The following CCDC138 variants were observed in gnomAD, a reference collection of about 807,000 sequenced individuals.
CCDC138 encodes the protein coiled-coil domain-containing protein 138.
CCDC138 carries 66 observed loss-of-function variants against 82.3 expected under a neutral mutation model. The ratio of observed to expected loss-of-function variants is 0.80; its 90% CI spans 0.66 to 0.98. The LOEUF (loss-of-function observed/expected upper bound fraction) is 0.98. CCDC138 is among the 50% of genes least tolerant of loss of function. The pLI is 0.00. For synonymous variants in CCDC138, 297 were observed against 265.4 expected (o/e 1.12, Z -1.16); for missense variants, 816 against 758.9 (o/e 1.08, Z -0.88).
At chr2:108,884,350 G>C (rs2105354411) in intron 2 of CCDC138, 1 of 152,312 alleles carries the variant, frequency 6.6e-6, no homozygotes, top group Admixed American at 6.5e-5. Flanking sequence ...ACACTCCTCA[G>C]AATGGGAGCT....
At chr2:108,822,311 C>T (rs1384219027) in intron 10 of CCDC138, among the ~76,000 whole-genome samples, 1 of 151,980 alleles carries the variant, frequency 6.6e-6, no homozygotes, top group Non-Finnish European at 1.5e-5. Context: ...TATTATAAAG[C>T]AAACATTGAC....
At chr2:108,873,740 T>C in intron 14 of CCDC138, 151 bp downstream of exon 14, 1 of 545,324 alleles carries the variant, frequency 1.8e-6, no homozygotes, top group South Asian at 2.9e-5. Flanking sequence ...ACACTAACGA[T>C]AGCTGATGTG....
chr2:108,879,861 C>T (rs1696240668), downstream of CCDC138, among the ~76,000 whole-genome samples: 1 of 151,982 alleles, frequency 6.6e-6, no homozygotes, highest in Admixed American at 6.6e-5. Context: ...TCCTCTCTTC[C>T]AACCTTCAAA....
chr2:108,876,934 G>A (rs890822989), downstream of CCDC138, among the ~76,000 whole-genome samples: 13 of 152,170 alleles, frequency 8.5e-5, 1 homozygote, highest in African/African-American at 2.9e-4. Context: ...ACAGGTCTGG[G>A]TGAAGTAAAG....
intron 10 of CCDC138, among the ~76,000 whole-genome samples, chr2:108,836,419 G>A (rs1471873586): frequency 6.6e-6 from 1 of 152,130 alleles, no homozygotes; most frequent in Non-Finnish European, 1.5e-5. Context: ...AGATATTTGG[G>A]CAGCTACCAT....
In CCDC138 at chr2:108,820,699, C is replaced by CAG. The variant is rs1553413011; in HGVS notation, c.1206+4595_1206+4596insGA. ...GCAGTGGGATGATACATTCAAAGTGCAAAAAAAAAAAAAAAACAAACAACA... is the reference window on the plus strand; with the variant it reads ...GCAGTGGGATGATACATTCAAAGTGCAGAAAAAAAAAAAAAAAACAAACAACA... On this transcript the variant is annotated intron_variant, in intron 10 of 14. Transcript: ENST00000295124. 4.1e-3 allele frequency among the ~76,000 whole-genome samples: 255 copies of CAG among 62,580 alleles called. 2 individuals are homozygous for CAG. The highest frequency in any genetic ancestry group is 0.013 in the African/African-American group (246 of 18,872). The allele number at this position is 62,580 out of a possible 152,430, so 41.1% of individuals were successfully genotyped here.
At chr2:108,870,236 G>T (rs1159104732) in intron 13 of CCDC138, among the ~76,000 whole-genome samples, 2 of 152,144 alleles carry the variant, frequency 1.3e-5, no homozygotes, top group Admixed American at 6.5e-5. Context: ...TACTAGAAGA[G>T]TTCAACAGCA....
intron 10 of CCDC138, among the ~76,000 whole-genome samples, chr2:108,830,545 G>C (rs1046020998): frequency 6.6e-6 from 1 of 152,160 alleles, no homozygotes; most frequent in African/African-American, 2.4e-5. Context: ...CATGGCTCAC[G>C]CCTGTAATCC....
intron 13 of CCDC138, among the ~76,000 whole-genome samples, chr2:108,869,451 G>T (rs2105113023): frequency 6.6e-6 from 1 of 152,274 alleles, no homozygotes; most frequent in South Asian, 2.1e-4. Context: ...TTTCAGACTT[G>T]CCTCGTTCAG....
intron 10 of CCDC138, among the ~76,000 whole-genome samples, chr2:108,832,344 CTT>C (rs1179620383): frequency 7.7e-4 from 94 of 122,196 alleles, no homozygotes; most frequent in African/African-American, 2.3e-3. Context: ...GTATTTCTTT[CTT>C]TTTTTTTTTT....
chr2:108,804,930 G>A lies in CCDC138; in HGVS notation c.777G>A (p.Lys259=). Residue 259 remains lysine (K), a synonymous_variant, in exon 7 of 15, where the codon AAG becomes AAA. Transcript: ENST00000295124. The stretch of plus-strand genomic sequence containing the variant: ...TTGAACACTTAACCGAAGTTCTTAA[G>A]GAAAAGAATAAAGAAACCAAGAGAC... ...AEVEHLTEVL[K]EKNKETKRLR... is the part of the protein sequence containing the mutation. 6.4e-7 allele frequency: 1 copy of A among 1,566,318 alleles called. No homozygotes were observed. Among genetic ancestry groups the A allele is most frequent in the South Asian group, 1.2e-5 (1 of 81,898 alleles).
At chr2:108,805,569 C>CAAA (rs5833306) in intron 7 of CCDC138, among the ~76,000 whole-genome samples, 3 of 149,892 alleles carry the variant, frequency 2.0e-5, no homozygotes, top group African/African-American at 7.4e-5. Flanking sequence ...ACCAAAAATA[C>CAAA]AAAAAAAAAT....
chr2:108,839,150 G>A (rs1357441725), intron 10 of CCDC138, 35 bp from the exon 11 acceptor site: 1 of 1,572,078 alleles, frequency 6.4e-7, no homozygotes, highest in African/African-American at 1.4e-5. Context: ...AAAATACTGT[G>A]CCTTTGTATT....
At chr2:108,812,534 A>T in intron 7 of CCDC138, 97 bp from the exon 8 acceptor site, 1 of 829,876 alleles carries the variant, frequency 1.2e-6, no homozygotes, top group Non-Finnish European at 2.0e-6. Flanking sequence ...TACATTGGTT[A>T]GTAATATCAA....
chr2:108,800,608 C>CCTT (rs1681750678), intron 6 of CCDC138, among the ~76,000 whole-genome samples: 1 of 33,492 alleles, frequency 3.0e-5, no homozygotes, highest in East Asian at 1.2e-3. Flanking sequence ...CTCAGTTTAG[C>CCTT]TTTTTTTTTT....
At chr2:108,794,214 A>C (rs1312421868) in intron 4 of CCDC138, among the ~76,000 whole-genome samples, 1 of 152,174 alleles carries the variant, frequency 6.6e-6, no homozygotes, top group Non-Finnish European at 1.5e-5. Flanking sequence ...TTTAGGGGAG[A>C]GAGGGGAACA....
At chr2:108,805,424 T>G (rs529249649) in intron 7 of CCDC138, among the ~76,000 whole-genome samples, 2 of 152,262 alleles carry the variant, frequency 1.3e-5, no homozygotes, top group South Asian at 4.2e-4. Context: ...TGCAGTATAC[T>G]TATTTATATA....
At chr2:108,803,164 G>C (rs1301990827) in intron 6 of CCDC138, among the ~76,000 whole-genome samples, 1 of 152,206 alleles carries the variant, frequency 6.6e-6, no homozygotes, top group Non-Finnish European at 1.5e-5. Context: ...CCAAGACTTA[G>C]GTAATAGTTT....
chr2:108,794,443 T>TC, intron 4 of CCDC138, 97 bp from the exon 5 acceptor site: 1 of 1,106,100 alleles, frequency 9.0e-7, no homozygotes, highest in Non-Finnish European at 1.3e-6. Flanking sequence ...TAATGTTATA[T>TC]TTTGTACTTA....
Sources: gnomAD v4.1 joint callset for allele counts (sites outside exome capture counted in the v4.1 genomes callset) on GRCh38, gnomAD v4.1.1 for gene constraint, MANE v1.5 for transcripts, NCBI Gene and HGNC (gene_info 2026-07-23, HGNC 2026-07-21) for gene names.